TPD52: variants seen among roughly 807,000 people sequenced by gnomAD.
The protein encoded by TPD52 is prostate and colon associated protein.
TPD52 carries 17 observed loss-of-function variants against 31.3 expected under a neutral mutation model. The ratio of observed to expected loss-of-function variants is 0.54; its 90% confidence interval spans 0.37 to 0.82. TPD52 has a LOEUF of 0.82. TPD52 is among the 40% of genes least tolerant of loss of function. TPD52 has a pLI of 0.00. For missense variants in TPD52, 212 were observed against 240.1 expected (o/e 0.88, Z 0.77); for synonymous variants, 83 against 89.6 (o/e 0.93, Z 0.42).
intron 1 of TPD52, among the ~76,000 whole-genome samples, chr8:80,155,395 G>T (rs371198044): frequency 3.3e-5 from 5 of 152,106 alleles, no homozygotes; most frequent in Non-Finnish European, 5.9e-5. Context: ...CAATGCAGAG[G>T]TATGAGAGGG....
intron 1 of TPD52, among the ~76,000 whole-genome samples, chr8:80,150,959 G>T (rs551126427): frequency 1.3e-5 from 2 of 152,288 alleles, no homozygotes; most frequent in Non-Finnish European, 2.9e-5. Flanking sequence ...TTTGGGAGGT[G>T]CCAGGGGAAG....
chr8:80,068,952 C>T (rs546503825), intron 1 of TPD52, among the ~76,000 whole-genome samples: 1 of 152,222 alleles, frequency 6.6e-6, no homozygotes, highest in South Asian at 2.1e-4. Context: ...CGGTTACAGA[C>T]GTCTCTTAAG....
intron 1 of TPD52, among the ~76,000 whole-genome samples, chr8:80,154,497 C>CA (rs1810793602): frequency 6.6e-6 from 1 of 152,248 alleles, no homozygotes; most frequent in East Asian, 1.9e-4. Context: ...TAAGTGATAA[C>CA]AAAAAATCAA....
intron 2 of TPD52, among the ~76,000 whole-genome samples, chr8:80,056,229 C>T (rs1016113644): frequency 6.6e-5 from 10 of 152,072 alleles, no homozygotes; most frequent in African/African-American, 2.2e-4. Flanking sequence ...CATGGATGAG[C>T]CTAGAGAACA....
At chr8:80,049,557 C>G (rs1035332233) in intron 5 of TPD52, among the ~76,000 whole-genome samples, 15 of 152,148 alleles carry the variant, frequency 9.9e-5, no homozygotes, top group African/African-American at 3.1e-4. Flanking sequence ...AGGCAAGCAG[C>G]TAGACTACCA....
chr8:80,148,196 C>T (rs1267705477), intron 1 of TPD52, among the ~76,000 whole-genome samples: 4 of 151,810 alleles, frequency 2.6e-5, no homozygotes, highest in African/African-American at 7.3e-5. Context: ...TTTGTCACCC[C>T]GGCTGGAAAA....
intron 1 of TPD52, among the ~76,000 whole-genome samples, chr8:80,168,751 G>C (rs577356900): frequency 3.3e-4 from 51 of 152,310 alleles, no homozygotes; most frequent in Admixed American, 7.8e-4. Flanking sequence ...GCTAAGTTCT[G>C]CTTCTTGAGA....
chr8:80,057,139 G>T (rs1343069139), intron 2 of TPD52, among the ~76,000 whole-genome samples: 1 of 152,188 alleles, frequency 6.6e-6, no homozygotes, highest in Non-Finnish European at 1.5e-5. Context: ...CTACACTCCA[G>T]CCTGGGCAAC....
intron 1 of TPD52, among the ~76,000 whole-genome samples, chr8:80,073,148 C>A (rs753842928): frequency 6.6e-6 from 1 of 151,718 alleles, no homozygotes; most frequent in Non-Finnish European, 1.5e-5. Context: ...GGTATTAACT[C>A]AAAAAAAATT....
At chr8:80,166,811 C>T (rs1811747444) in intron 1 of TPD52, among the ~76,000 whole-genome samples, 1 of 151,912 alleles carries the variant, frequency 6.6e-6, no homozygotes, top group African/African-American at 2.4e-5. Flanking sequence ...GAGGCTGAGA[C>T]AGGAGAATTG....
chr8:80,150,272 G>A (rs1037038106), intron 1 of TPD52, among the ~76,000 whole-genome samples: 5 of 152,200 alleles, frequency 3.3e-5, no homozygotes, highest in South Asian at 2.1e-4. Flanking sequence ...GGGAACCTCC[G>A]CCTAGATTTC....
chr8:80,080,815 G>A, intron 1 of TPD52: 1 of 952,574 alleles, frequency 1.0e-6, no homozygotes, highest in Non-Finnish European at 1.3e-6. Flanking sequence ...AACAGTTCAG[G>A]CAAACATCAG....
At chr8:80,070,237 T>C (rs1386815156) in intron 1 of TPD52, among the ~76,000 whole-genome samples, 1 of 152,124 alleles carries the variant, frequency 6.6e-6, no homozygotes, top group African/African-American at 2.4e-5. Context: ...TAAATGGTTA[T>C]CTTCCCTCTA....
At chr8:80,127,202 A>G (rs1298234305) in intron 1 of TPD52, among the ~76,000 whole-genome samples, 1 of 152,160 alleles carries the variant, frequency 6.6e-6, no homozygotes, top group Non-Finnish European at 1.5e-5. Flanking sequence ...CAATCAATTG[A>G]CTCATCAGCT....
At chr8:80,100,658 A>C (rs986162401) in intron 1 of TPD52, among the ~76,000 whole-genome samples, 3 of 152,252 alleles carry the variant, frequency 2.0e-5, no homozygotes, top group African/African-American at 7.2e-5. Context: ...ATGGAGGCTA[A>C]GTAAGAGGTC....
downstream of TPD52, chr8:80,033,296 C>A (rs895244144): frequency 2.6e-5 from 1 of 38,126 alleles, no homozygotes; most frequent in African/African-American, 1.0e-4. Flanking sequence ...AATGTGGTGA[C>A]CGGCGGGGCG....
chr8:80,086,274 A>G (rs1405376053), intron 1 of TPD52, among the ~76,000 whole-genome samples: 2 of 150,140 alleles, frequency 1.3e-5, no homozygotes, highest in African/African-American at 4.9e-5. Flanking sequence ...GCACACCACC[A>G]CGCCCAGCTA....
chr8:80,115,240 A>G (rs1466379166), intron 1 of TPD52, among the ~76,000 whole-genome samples: 1 of 152,182 alleles, frequency 6.6e-6, no homozygotes, highest in Non-Finnish European at 1.5e-5. Flanking sequence ...GACTGAAGAC[A>G]GGCTTGGCAG....
At chr8:80,155,200 C>T (rs1172775980) in intron 1 of TPD52, among the ~76,000 whole-genome samples, 3 of 152,078 alleles carry the variant, frequency 2.0e-5, no homozygotes, top group African/African-American at 7.2e-5. Context: ...GCACCATAAC[C>T]ATGCTTGTAT....
Sources: allele counts gnomAD v4.1 joint callset (sites outside exome capture counted in the v4.1 genomes callset), GRCh38; gene constraint gnomAD v4.1.1; transcripts MANE v1.5; gene names NCBI Gene and HGNC (gene_info 2026-07-23, HGNC 2026-07-21).